TRAM2: variants seen among roughly 807,000 people sequenced by gnomAD.
The protein encoded by TRAM2 is translocating chain-associated membrane protein 2.
A neutral mutation model predicts 51.0 loss-of-function variants in TRAM2; 12 were observed. That is an observed-to-expected ratio of 0.24 (90% CI 0.15 to 0.38). The LOEUF (loss-of-function observed/expected upper bound fraction) is 0.38, where lower values mean the gene tolerates loss of function less well. TRAM2 is among the 10% of genes least tolerant of loss of function. The pLI is 1.00. For synonymous variants in TRAM2, 175 were observed against 179.4 expected (o/e 0.98, Z 0.20); for missense variants, 361 against 462.0 (o/e 0.78, Z 2.00).
chr6:52,516,691 T>G lies in TRAM2; in HGVS notation c.231A>C (p.Thr77=). 1 of 1,614,178 alleles carries G rather than the reference T, an allele frequency of 6.2e-7. No homozygotes were observed. Among genetic ancestry groups the G allele is most frequent in the South Asian group, 1.1e-5 (1 of 91,076 alleles). Residue 77 remains threonine, a synonymous_variant, in exon 3 of 11, where the codon ACA becomes ACC. Transcript: ENST00000182527. ...HYHYGPKDLV[T]ILFYIFITII... ...TGGTGATGAAGATGTAGAACAAGATTGTGACCAGGTCCTTAGGGCCATAGT... is the reference window on the plus strand; with the variant it reads ...TGGTGATGAAGATGTAGAACAAGATGGTGACCAGGTCCTTAGGGCCATAGT...
At chr6:52,551,864 T>C (rs1017902283) in intron 1 of TRAM2, among the ~76,000 whole-genome samples, 2 of 152,276 alleles carry the variant, frequency 1.3e-5, no homozygotes, top group African/African-American at 4.8e-5. Flanking sequence ...CCCACCCAAC[T>C]GGCCCAAGAC....
At chr6:52,528,064 G>A (rs76121058) in intron 2 of TRAM2, among the ~76,000 whole-genome samples, 6,230 of 152,200 alleles carry the variant, frequency 0.041, 400 homozygotes, top group African/African-American at 0.13. Context: ...CCAGGACAGA[G>A]CCAAGTCTCT....
chr6:52,574,924 GA>G (rs935591212), intron 1 of TRAM2, among the ~76,000 whole-genome samples: 4 of 152,168 alleles, frequency 2.6e-5, no homozygotes, highest in African/African-American at 9.7e-5. Flanking sequence ...GGCTATGCGA[GA>G]AACTTCGTCG....
chr6:52,503,279 T>C lies in TRAM2; in HGVS notation c.1040-9A>G. ...TCCATTTTCATGGTAACCTGGGAAGTGGAGAGAGACAAGCATACATGGTGT... is the reference window on the plus strand; with the variant it reads ...TCCATTTTCATGGTAACCTGGGAAGCGGAGAGAGACAAGCATACATGGTGT... On this transcript the variant is annotated splice_polypyrimidine_tract_variant and intron_variant, in intron 10 of 10. Coordinates refer to ENST00000182527, the MANE Select transcript of TRAM2 (RefSeq NM_012288.4). The C allele has an allele frequency of 6.2e-7, 1 of 1,612,816 alleles. No homozygotes were observed. The highest frequency in any genetic ancestry group is 8.5e-7 in the Non-Finnish European group (1 of 1,178,964).
rs1766112189 is a variant in TRAM2, at chr6:52,497,686, C to A, written c.*5511G>T. On this transcript the variant is annotated 3_prime_UTR_variant, in exon 11 of 11. Coordinates refer to ENST00000182527, the MANE Select transcript of TRAM2 (RefSeq NM_012288.4). ...CTAGAGTAGAAAACAGACACTTTGTCCACATTTGCATTATCAGTTGCTCAG... is the reference window on the plus strand; with the variant it reads ...CTAGAGTAGAAAACAGACACTTTGTACACATTTGCATTATCAGTTGCTCAG... The A allele has an allele frequency of 6.6e-6, 1 of 152,336 alleles. No individual in the cohort carries two copies. The highest frequency in any genetic ancestry group is 1.5e-5 in the Non-Finnish European group (1 of 68,022). The allele number at this position is 152,336 out of a possible 1,614,324, so 9.4% of individuals were successfully genotyped here.
At chr6:52,559,707 T>G (rs1206617969) in intron 1 of TRAM2, among the ~76,000 whole-genome samples, 1 of 152,216 alleles carries the variant, frequency 6.6e-6, no homozygotes, top group Non-Finnish European at 1.5e-5. Context: ...TCATGAAGAT[T>G]CCCTGATTGC....
At chr6:52,574,134 T>C (rs1180026954) in intron 1 of TRAM2, among the ~76,000 whole-genome samples, 3 of 152,092 alleles carry the variant, frequency 2.0e-5, no homozygotes, top group Non-Finnish European at 4.4e-5. Flanking sequence ...TATGCATCCC[T>C]ACATACCCAC....
chr6:52,558,034 C>T (rs1043353568), intron 1 of TRAM2, among the ~76,000 whole-genome samples: 1 of 152,090 alleles, frequency 6.6e-6, no homozygotes, highest in African/African-American at 2.4e-5. Context: ...TATATTTGGG[C>T]AAACTGTTGA....
intron 1 of TRAM2, among the ~76,000 whole-genome samples, chr6:52,557,531 G>A (rs922557353): frequency 2.6e-5 from 4 of 152,098 alleles, no homozygotes; most frequent in Non-Finnish European, 4.4e-5. Context: ...TACAGGAGTC[G>A]GTAAAGAATC....
chr6:52,522,882 A>G (rs780097877), intron 2 of TRAM2: 2 of 702,162 alleles, frequency 2.8e-6, no homozygotes, highest in South Asian at 3.0e-5. Context: ...TTTCCTTCTG[A>G]GGTCACCTGC....
chr6:52,567,277 C>G (rs1316454646), intron 1 of TRAM2, among the ~76,000 whole-genome samples: 1 of 152,188 alleles, frequency 6.6e-6, no homozygotes, highest in Non-Finnish European at 1.5e-5. Flanking sequence ...CTGAAGTTAT[C>G]TGGACCCAGG....
At chr6:52,509,937 C>T (rs925388298) in intron 4 of TRAM2, among the ~76,000 whole-genome samples, 3 of 152,204 alleles carry the variant, frequency 2.0e-5, no homozygotes, top group African/African-American at 7.2e-5. Flanking sequence ...TACCCACCCT[C>T]ACAGAGTTAT....
intron 4 of TRAM2, among the ~76,000 whole-genome samples, chr6:52,514,252 ATAT>A (rs140073983): frequency 0.022 from 3,259 of 148,568 alleles, 108 homozygotes; most frequent in African/African-American, 0.081. Flanking sequence ...TAACAGAAAA[ATAT>A]TATTTTTTTA....
At chr6:52,511,101 T>C (rs987526681) in intron 4 of TRAM2, among the ~76,000 whole-genome samples, 2 of 152,126 alleles carry the variant, frequency 1.3e-5, no homozygotes, top group African/African-American at 2.4e-5. Flanking sequence ...TGAAATAAGA[T>C]AGTTTTGTTT....
At chr6:52,527,464 G>A (rs1363914162) in intron 2 of TRAM2, among the ~76,000 whole-genome samples, 1 of 124,206 alleles carries the variant, frequency 8.1e-6, no homozygotes, top group African/African-American at 3.0e-5. Flanking sequence ...ATAGGAAAGT[G>A]AAATTCAAGT....
At chr6:52,510,525 G>A (rs1407893569) in intron 4 of TRAM2, among the ~76,000 whole-genome samples, 2 of 152,184 alleles carry the variant, frequency 1.3e-5, no homozygotes, top group East Asian at 3.9e-4. Flanking sequence ...TGCCTTGGGA[G>A]GTGGAACCCA....
chr6:52,528,570 G>T (rs1462636957), intron 2 of TRAM2, among the ~76,000 whole-genome samples: 2 of 152,128 alleles, frequency 1.3e-5, no homozygotes, highest in Non-Finnish European at 2.9e-5. Context: ...TCTGTCTGAG[G>T]TTGTTTTGAC....
chr6:52,503,876 C>A (rs1455260055), intron 10 of TRAM2, among the ~76,000 whole-genome samples: 1 of 152,236 alleles, frequency 6.6e-6, no homozygotes, highest in African/African-American at 2.4e-5. Context: ...ACCTCCCCCG[C>A]CAGCCAGGCC....
intron 2 of TRAM2, chr6:52,522,964 T>A (rs1013800475): frequency 7.1e-6 from 5 of 701,068 alleles, no homozygotes; most frequent in Non-Finnish European, 1.3e-5. Flanking sequence ...TCTGACCTCC[T>A]CTGCACAACC....
Sources: allele counts gnomAD v4.1 joint callset (sites outside exome capture counted in the v4.1 genomes callset), GRCh38; gene constraint gnomAD v4.1.1; transcripts MANE v1.5; gene names NCBI Gene and HGNC (gene_info 2026-07-23, HGNC 2026-07-21).